The following BRAF variants were observed in gnomAD, a reference collection of about 807,000 sequenced individuals.
The protein encoded by BRAF is B-Raf proto-oncogene, serine/threonine kinase.
In BRAF, 16 loss-of-function variants were observed where a neutral mutation model predicts 104.6. The observed-to-expected ratio is 0.15, with a 90% CI of 0.10 to 0.23. The LOEUF is 0.23. Ranked by LOEUF, BRAF falls within the 10% of genes least tolerant of loss-of-function variation. The pLI is 1.00. For missense variants in BRAF, 541 were observed against 937.3 expected (o/e 0.58, Z 5.52); for synonymous variants, 310 against 341.6 (o/e 0.91, Z 1.02).
rs2129023437 is a variant in BRAF at position 140,781,567 on chromosome 7, C to T, written c.1552+9G>A. ...GACTTGTCACAATGTCACCACATTACATACTTACCATGCCACTTTCCCTTG... is the reference window on the plus strand; with the variant it reads ...GACTTGTCACAATGTCACCACATTATATACTTACCATGCCACTTTCCCTTG... On this transcript the variant is annotated intron_variant, in intron 12 of 19. Transcript: ENST00000644969. 1.2e-6 allele frequency: 2 copies of T among 1,608,710 alleles called. No homozygotes were observed. Among genetic ancestry groups the T allele is most frequent in the African/African-American group, 1.3e-5 (1 of 74,906 alleles).
intron 1 of BRAF, among the ~76,000 whole-genome samples, chr7:140,921,862 A>G (rs1483508870): frequency 2.0e-5 from 3 of 152,022 alleles, no homozygotes; most frequent in Non-Finnish European, 4.4e-5. Context: ...AAAATGTGTC[A>G]TTACACACAA....
At chr7:140,842,146 T>C (rs1808036088) in intron 2 of BRAF, among the ~76,000 whole-genome samples, 1 of 152,110 alleles carries the variant, frequency 6.6e-6, no homozygotes, top group Non-Finnish European at 1.5e-5. Context: ...CTATATAGAC[T>C]AAAAATCAGA....
intron 1 of BRAF, among the ~76,000 whole-genome samples, chr7:140,906,518 TA>T (rs1055826097): frequency 6.6e-6 from 1 of 152,252 alleles, no homozygotes; most frequent in African/African-American, 2.4e-5. Flanking sequence ...ACTAGTACTT[TA>T]TACAGTCAAC....
chr7:140,717,878 A>G (rs1418535211), downstream of BRAF, among the ~76,000 whole-genome samples: 1 of 152,190 alleles, frequency 6.6e-6, no homozygotes, highest in Admixed American at 6.5e-5. Context: ...ATAGGAAATT[A>G]AGTCTTGACA....
intron 18 of BRAF, 89 bp downstream of exon 17, chr7:140,739,723 A>T (rs2130897574): frequency 6.8e-7 from 1 of 1,477,842 alleles, no homozygotes; most frequent in Non-Finnish European, 9.4e-7. Flanking sequence ...CAAACTCATG[A>T]AATACACACT....
In BRAF at chr7:140,807,455, G is replaced by GT. The variant is rs1199986054; in HGVS notation, c.711+504dup. ...GGTATACTGACATGAAAAGATGTCCGTGACATCCTGTTGAATTAAAAAAAA... is the reference window on the plus strand; with the variant it reads ...GGTATACTGACATGAAAAGATGTCCGTTGACATCCTGTTGAATTAAAAAAAA... On this transcript the variant is annotated intron_variant, in intron 5 of 19. Transcript: ENST00000644969. Among the ~76,000 whole-genome samples, 4 of 151,822 alleles carry GT rather than the reference G, an allele frequency of 2.6e-5. No individual in the cohort carries two copies. The East Asian group carries it at 5.8e-4, about 22-fold the overall frequency.
At chr7:140,745,323 T>G (rs1029654478) in intron 17 of BRAF, among the ~76,000 whole-genome samples, 5 of 152,182 alleles carry the variant, frequency 3.3e-5, no homozygotes, top group African/African-American at 1.2e-4. Flanking sequence ...TCAAGAGTCT[T>G]TCAGGAGGAA....
At chr7:140,714,811 T>G (rs1585873181), downstream of BRAF, among the ~76,000 whole-genome samples, 1 of 152,228 alleles carries the variant, frequency 6.6e-6, no homozygotes, top group East Asian at 1.9e-4. Context: ...GAAATGGCAC[T>G]GGGTGAGGTG....
chr7:140,912,768 G>A (rs898007332), intron 1 of BRAF, among the ~76,000 whole-genome samples: 3 of 152,114 alleles, frequency 2.0e-5, no homozygotes, highest in African/African-American at 4.8e-5. Flanking sequence ...GGCTGGTCTC[G>A]AACTCCTCAC....
chr7:140,810,085 G>A (rs920789242), intron 3 of BRAF, among the ~76,000 whole-genome samples: 2 of 151,988 alleles, frequency 1.3e-5, no homozygotes, highest in African/African-American at 4.8e-5. Context: ...TTTAAATTGA[G>A]GTGCTTAGCA....
At chr7:140,915,248 A>T (rs1018345669) in intron 1 of BRAF, among the ~76,000 whole-genome samples, 1 of 152,068 alleles carries the variant, frequency 6.6e-6, no homozygotes, top group Non-Finnish European at 1.5e-5. Context: ...GCAGTACATT[A>T]AACTGTTTAA....
At chr7:140,734,103 T>C (rs1314598913) in intron 19 of BRAF, 1 of 1,038,844 alleles carries the variant, frequency 9.6e-7, no homozygotes, top group South Asian at 4.6e-5. Context: ...TATAGAAAAA[T>C]TATTAAGAAT....
At chr7:140,846,932 G>A (rs1808619522) in intron 2 of BRAF, among the ~76,000 whole-genome samples, 1 of 152,066 alleles carries the variant, frequency 6.6e-6, no homozygotes, top group Non-Finnish European at 1.5e-5. Context: ...GAGGCAGGTG[G>A]ATGACTTCAG....
chr7:140,823,558 T>C (rs989458463), intron 3 of BRAF: 1 of 152,268 alleles, frequency 6.6e-6, no homozygotes. Context: ...CACTCCTCTA[T>C]CAACAGAAAT....
intron 3 of BRAF, among the ~76,000 whole-genome samples, chr7:140,819,520 A>T (rs1035807007): frequency 1.3e-5 from 2 of 152,190 alleles, no homozygotes; most frequent in African/African-American, 4.8e-5. Context: ...GTCCACACAA[A>T]ACCTTGAATA....
At position 140,924,770 on chromosome 7, in the gene BRAF, C is replaced by G; in HGVS notation, c.-67G>C. On this transcript the variant is annotated 5_prime_UTR_variant, in exon 1 of 20. Coordinates refer to ENST00000644969, the MANE Select transcript of BRAF (RefSeq NM_001374258.1). The surrounding 1 kb of genome is among the most constrained non-coding windows in gnomAD (Gnocchi z 4.2). ...GGGGAGGGGGAAGGGAGGCGGAGAG[C>G]TGGGGGAGGCGGAGGCGGAGGCGGA... 1.7e-6 allele frequency: 1 copy of G among 595,140 alleles called. No individual in the cohort carries two copies. Among genetic ancestry groups the G allele is most frequent in the South Asian group, 2.0e-5 (1 of 51,050 alleles). The allele number at this position is 595,140 out of a possible 1,614,324, so 36.9% of individuals were successfully genotyped here. A position where few individuals can be genotyped will look rare whatever the true frequency, so the allele number is the denominator to read the frequency against.
intron 19 of BRAF, chr7:140,733,285 A>T (rs1374132166): frequency 1.3e-5 from 2 of 152,230 alleles, no homozygotes; most frequent in East Asian, 1.9e-4. Flanking sequence ...ATTGACTTCA[A>T]GGAGGCATTT....
chr7:140,753,169 G>A (rs1797920008), intron 16 of BRAF, 106 bp downstream of exon 15: 1 of 828,780 alleles, frequency 1.2e-6, no homozygotes, highest in Non-Finnish European at 2.1e-6. Context: ...GTGAATACTG[G>A]GAACTATGAA....
intron 1 of BRAF, among the ~76,000 whole-genome samples, chr7:140,879,076 C>T (rs143798700): frequency 0.014 from 2,161 of 151,830 alleles, 25 homozygotes; most frequent in Non-Finnish European, 0.023. Context: ...CGTGGTTTCA[C>T]CATGTTGGTC....
Sources: gnomAD v4.1 joint callset for allele counts (sites outside exome capture counted in the v4.1 genomes callset) on GRCh38, gnomAD v4.1.1 for gene constraint, Gnocchi (gnomAD v3.1) non-coding constraint, MANE v1.5 for transcripts, NCBI Gene and HGNC (gene_info 2026-07-23, HGNC 2026-07-21) for gene names.